Variants in CCDC112 observed in about 807,000 individuals in gnomAD.
CCDC112 encodes coiled-coil domain-containing protein 112.
CCDC112 carries 40 observed loss-of-function variants against 66.3 expected under a neutral mutation model. The ratio of observed to expected loss-of-function variants is 0.60; its 90% CI spans 0.47 to 0.79. The LOEUF is 0.79. CCDC112 is among the 30% of genes least tolerant of loss of function. The pLI is 0.00. For missense variants in CCDC112, 659 were observed against 603.8 expected (o/e 1.09, Z -0.96); for synonymous variants, 214 against 197.2 (o/e 1.09, Z -0.71).
chr5:115,294,301 G>A (rs968261731), intron 1 of CCDC112, among the ~76,000 whole-genome samples: 28 of 152,170 alleles, frequency 1.8e-4, no homozygotes, highest in African/African-American at 6.8e-4. Context: ...TGGAGATGGG[G>A]TCTTTATGTT....
At chr5:115,290,320 T>C (rs1429033190) in intron 1 of CCDC112, among the ~76,000 whole-genome samples, 5 of 152,234 alleles carry the variant, frequency 3.3e-5, no homozygotes, top group South Asian at 4.1e-4. Context: ...TTGACTCTCA[T>C]TGATCTATAT....
intron 1 of CCDC112, among the ~76,000 whole-genome samples, chr5:115,288,232 T>A (rs1163439366): frequency 6.6e-6 from 1 of 152,138 alleles, no homozygotes; most frequent in African/African-American, 2.4e-5. Context: ...CCGCCTGCCT[T>A]GGCCTCCCAA....
chr5:115,286,964 A>G (rs1749700204), intron 1 of CCDC112, among the ~76,000 whole-genome samples: 1 of 152,208 alleles, frequency 6.6e-6, no homozygotes, highest in African/African-American at 2.4e-5. Flanking sequence ...AGCTGGAAGC[A>G]TTCTTTATAT....
At chr5:115,291,080 C>T (rs894273314) in intron 1 of CCDC112, among the ~76,000 whole-genome samples, 2 of 152,004 alleles carry the variant, frequency 1.3e-5, no homozygotes, top group African/African-American at 2.4e-5. Context: ...AACAGCTTTC[C>T]ATATTTGATC....
At chr5:115,295,899 A>G in intron 1 of CCDC112, 1 of 985,604 alleles carries the variant, frequency 1.0e-6, no homozygotes. Context: ...ATAACATCTG[A>G]ACAAAGATAC....
chr5:115,275,488 A>C lies in CCDC112; in HGVS notation c.646T>G (p.Ser216Ala), dbSNP rs759530382. ...ACTTTGTCTACAGGAACTTTGCTTG[A>C]GATTGCTCTGAAAGCTTTCTCTGTT... ...SETEKAFRAI[S>A]SKVPVDKVTP... is the part of the protein sequence containing the mutation. The change falls in exon 6 of 10, where the codon TCA becomes GCA. Residue 216 changes from serine to alanine, a missense_variant. Coordinates refer to ENST00000379611, the MANE Select transcript of CCDC112 (RefSeq NM_001040440.3). 1 of 1,614,028 alleles carries C rather than the reference A, an allele frequency of 6.2e-7. No homozygotes were observed. Among genetic ancestry groups the C allele is most frequent in the East Asian group, 2.2e-5 (1 of 44,866 alleles).
rs761343738 is a variant in CCDC112 at position 115,275,191 on chromosome 5, G to T, written c.918+25C>A. 41 of 1,522,190 alleles carry T rather than the reference G, an allele frequency of 2.7e-5. No individual in the cohort carries two copies. In the East Asian group the frequency reaches 3.8e-4, roughly 14 times the overall value. 94.3% of individuals were successfully genotyped at this position (1,522,190 alleles called of 1,614,324 possible). On this transcript the variant is annotated intron_variant, in intron 6 of 9. Transcript: ENST00000379611. ...TGCCTAGAACATAGAAACACAGAAT[G>T]AATAATAGCTATTATAATTATTACC...
At chr5:115,269,573 A>G (rs1353234537) in intron 8 of CCDC112, 130 bp downstream of exon 8, 19 of 642,136 alleles carry the variant, frequency 3.0e-5, no homozygotes, top group Admixed American at 6.8e-5. Context: ...TAATATGTAA[A>G]TAAGTATGAA....
intron 1 of CCDC112, among the ~76,000 whole-genome samples, chr5:115,286,389 C>G (rs752940301): frequency 6.6e-6 from 1 of 152,224 alleles, no homozygotes; most frequent in South Asian, 2.1e-4. Context: ...TTCCTTCTTA[C>G]AGCTGAATAA....
chr5:115,275,671 A>T, intron 5 of CCDC112, 65 bp from the exon 6 acceptor site: 3 of 1,138,082 alleles, frequency 2.6e-6, no homozygotes, highest in Non-Finnish European at 3.7e-6. Flanking sequence ...TTTTCCATCA[A>T]ATTTAAGATA....
At chr5:115,292,759 A>T (rs567255343) in intron 1 of CCDC112, among the ~76,000 whole-genome samples, 1 of 152,304 alleles carries the variant, frequency 6.6e-6, no homozygotes, top group Admixed American at 6.5e-5. Flanking sequence ...AATTGGTCAG[A>T]GATTTCCTTA....
At chr5:115,271,649 G>T (rs762602877) in intron 6 of CCDC112, 23 bp from the exon 7 acceptor site, 13 of 1,451,992 alleles carry the variant, frequency 9.0e-6, no homozygotes, top group Non-Finnish European at 1.2e-5. Context: ...TTTAAAAAAA[G>T]AAAGCAAGAG....
rs556368470 is a variant in CCDC112, at chr5:115,269,574, T to A, written c.1428+129A>T. The A allele has an allele frequency of 7.8e-6, 5 of 643,532 alleles. No individual in the cohort carries two copies. The South Asian group carries it at 1.1e-4, about 14-fold the overall frequency. 39.9% of individuals were successfully genotyped at this position (643,532 alleles called of 1,614,324 possible). A position where few individuals can be genotyped will look rare whatever the true frequency, so the allele number is the denominator to read the frequency against. On this transcript the variant is annotated intron_variant, in intron 8 of 9. Transcript: ENST00000379611. ...CAAGTTATGCTTGCTAATATGTAAATAAGTATGAAATTTAAAGTAGATGTT... is the reference window on the plus strand; with the variant it reads ...CAAGTTATGCTTGCTAATATGTAAAAAAGTATGAAATTTAAAGTAGATGTT...
At chr5:115,285,784 G>C (rs966273639) in intron 1 of CCDC112, among the ~76,000 whole-genome samples, 1 of 152,096 alleles carries the variant, frequency 6.6e-6, no homozygotes, top group Admixed American at 6.6e-5. Flanking sequence ...TGTGGGGGTG[G>C]AGTGAGGCAA....
chr5:115,269,388 G>C (rs534041953), intron 8 of CCDC112, among the ~76,000 whole-genome samples: 1 of 152,268 alleles, frequency 6.6e-6, no homozygotes, highest in African/African-American at 2.4e-5. Context: ...TACTGCAAGA[G>C]AGATTAAGCA....
rs747594927 is a variant in CCDC112, at chr5:115,271,197, A to C, written c.1332+16T>G. ...GTGTAGCATTTAAAAATTATTTAGG[A>C]AATAGATTTACTCACTCTTTCTTGA... On this transcript the variant is annotated intron_variant, in intron 7 of 9. Coordinates refer to ENST00000379611, the MANE Select transcript of CCDC112 (RefSeq NM_001040440.3). 1.9e-6 allele frequency: 3 copies of C among 1,560,972 alleles called. No individual in the cohort carries two copies. Among genetic ancestry groups the C allele is most frequent in the Non-Finnish European group, 2.6e-6 (3 of 1,162,734 alleles).
intron 1 of CCDC112, among the ~76,000 whole-genome samples, chr5:115,292,959 T>C (rs1443909491): frequency 6.6e-6 from 1 of 152,230 alleles, no homozygotes; most frequent in Non-Finnish European, 1.5e-5. Flanking sequence ...TCTTTCCTGG[T>C]GTCTCCTATT....
At chr5:115,275,175 C>A (rs1411990043) in intron 6 of CCDC112, 41 bp downstream of exon 6, 4 of 1,463,592 alleles carry the variant, frequency 2.7e-6, no homozygotes, top group Non-Finnish European at 3.7e-6. Context: ...GTGCCTAGAA[C>A]ATAGAAACAC....
intron 1 of CCDC112, among the ~76,000 whole-genome samples, chr5:115,287,688 C>T (rs1488886322): frequency 7.0e-6 from 1 of 141,972 alleles, no homozygotes; most frequent in African/African-American, 2.6e-5. Context: ...GTTAACCAAT[C>T]CCCTTTCCTT....
Sources: gnomAD v4.1 joint callset for allele counts (sites outside exome capture counted in the v4.1 genomes callset) on GRCh38, gnomAD v4.1.1 for gene constraint, MANE v1.5 for transcripts, NCBI Gene and HGNC (gene_info 2026-07-23, HGNC 2026-07-21) for gene names.